The following SERINC5 variants were observed in gnomAD, a reference collection of about 807,000 sequenced individuals.
SERINC5 encodes serine incorporator 5, also known as chromosome 5 open reading frame 12.
A neutral mutation model predicts 63.1 loss-of-function variants in SERINC5; 41 were observed. That is an observed-to-expected ratio of 0.65 (90% CI 0.51 to 0.84). The LOEUF (loss-of-function observed/expected upper bound fraction) is 0.84, where lower values mean the gene tolerates loss of function less well. SERINC5 is among the 40% of genes least tolerant of loss of function. SERINC5 has a pLI of 0.00. For synonymous variants in SERINC5, 222 were observed against 215.2 expected (o/e 1.03, Z -0.28); for missense variants, 523 against 573.0 (o/e 0.91, Z 0.89).
chr5:80,185,526 G>GACC (rs1331553405), intron 2 of SERINC5, among the ~76,000 whole-genome samples: 1 of 17,744 alleles, frequency 5.6e-5, no homozygotes, highest in Non-Finnish European at 9.9e-5. Context: ...CGTGTGAAGG[G>GACC]ACCACCAAAC....
chr5:80,143,497 G>C lies in SERINC5; in HGVS notation c.*166C>G, dbSNP rs1745631807. The stretch of plus-strand genomic sequence containing the variant: ...TGGGACAAACTGGTAGTTTCTTTTT[G>C]AATTTCAAAAGTAAAAAGCTAATCA... On this transcript the variant is annotated 3_prime_UTR_variant, in exon 12 of 12. Coordinates refer to ENST00000507668, the MANE Select transcript of SERINC5 (RefSeq NM_001174072.3). The C allele has an allele frequency of 3.7e-6, 5 of 1,355,054 alleles. No homozygotes were observed. Among genetic ancestry groups the C allele is most frequent in the Non-Finnish European group, 1.9e-6 (2 of 1,056,686 alleles). 83.9% of individuals were successfully genotyped at this position (1,355,054 alleles called of 1,614,324 possible). A position where few individuals can be genotyped will look rare whatever the true frequency, so the allele number is the denominator to read the frequency against.
Position 80,142,715 on chromosome 5 carries a change from G to A in SERINC5, c.*948C>T. On this transcript the variant is annotated 3_prime_UTR_variant, in exon 12 of 12. Transcript: ENST00000507668. Reference sequence around the variant, plus strand: ...AAGGTGGAGAAAAAACTGAGGGGCTGACCTCAACAACTGAAAGAGCAGTGC... The same window carrying A: ...AAGGTGGAGAAAAAACTGAGGGGCTAACCTCAACAACTGAAAGAGCAGTGC... 1.0e-6 allele frequency: 1 copy of A among 985,438 alleles called. No individual in the cohort carries two copies. Among genetic ancestry groups the A allele is most frequent in the Non-Finnish European group, 1.2e-6 (1 of 829,936 alleles). 61.0% of individuals were successfully genotyped at this position (985,438 alleles called of 1,614,324 possible).
At chr5:80,250,966 G>T (rs1373993351) in intron 1 of SERINC5, among the ~76,000 whole-genome samples, 4 of 152,148 alleles carry the variant, frequency 2.6e-5, no homozygotes, top group African/African-American at 4.8e-5. Flanking sequence ...CTGAATAAAC[G>T]TGTTTTTACT....
rs914181140 is a variant in SERINC5 at position 80,175,882 on chromosome 5, A to G, written c.458-835T>C. On this transcript the variant is annotated intron_variant, in intron 4 of 11. Coordinates refer to ENST00000507668, the MANE Select transcript of SERINC5 (RefSeq NM_001174072.3). Reference sequence around the variant, plus strand: ...TGGTCTCAAAAAAAAAAAAAAAAAAAAAAGGACTGAGCTTGGCCGGCCGCA... The same window carrying G: ...TGGTCTCAAAAAAAAAAAAAAAAAAGAAAGGACTGAGCTTGGCCGGCCGCA... Among the ~76,000 whole-genome samples, 10 of 144,634 alleles carry G rather than the reference A, an allele frequency of 6.9e-5. 1 individual carries two copies. The highest frequency in any genetic ancestry group is 1.4e-4 in the African/African-American group (5 of 36,644). 94.9% of individuals were successfully genotyped at this position (144,634 alleles called of 152,430 possible).
intron 8 of SERINC5, among the ~76,000 whole-genome samples, 175 bp from the exon 9 acceptor site, chr5:80,151,123 C>T (rs1017181750): frequency 6.6e-6 from 1 of 152,164 alleles, no homozygotes; most frequent in African/African-American, 2.4e-5. Flanking sequence ...AATTGGCTGG[C>T]TTATTCTATA....
chr5:80,230,962 A>G (rs1751414720), intron 1 of SERINC5, among the ~76,000 whole-genome samples: 1 of 151,682 alleles, frequency 6.6e-6, no homozygotes, highest in African/African-American at 2.4e-5. Flanking sequence ...ACAGGCGCAC[A>G]CTACCAACCT....
chr5:80,177,235 A>G (rs1748092488), intron 4 of SERINC5, 80 bp downstream of exon 4: 2 of 928,338 alleles, frequency 2.2e-6, no homozygotes, highest in Non-Finnish European at 3.5e-6. Context: ...TATCAGAGGT[A>G]CTTTGGACTG....
rs186299832 is a variant in SERINC5 at position 80,148,176 on chromosome 5, C to T, written c.1054-892G>A. On this transcript the variant is annotated intron_variant, in intron 9 of 11. Coordinates refer to ENST00000507668, the MANE Select transcript of SERINC5 (RefSeq NM_001174072.3). ...CCTTTGAAGCATCTCTGGTACCTTGCGTATTTTTTATTCTTTTTTTTTTTT... is the reference window on the plus strand; with the variant it reads ...CCTTTGAAGCATCTCTGGTACCTTGTGTATTTTTTATTCTTTTTTTTTTTT... Among the ~76,000 whole-genome samples, 3 of 132,354 alleles carry T rather than the reference C, an allele frequency of 2.3e-5. No individual in the cohort carries two copies. The Admixed American group carries it at 2.3e-4, about 10-fold the overall frequency. 86.8% of individuals were successfully genotyped at this position (132,354 alleles called of 152,430 possible). A position where few individuals can be genotyped will look rare whatever the true frequency, so the allele number is the denominator to read the frequency against.
Position 80,236,633 on chromosome 5 carries a change from C to A in SERINC5, c.27+19263G>T, listed in dbSNP as rs150908683. On this transcript the variant is annotated intron_variant, in intron 1 of 11. Coordinates refer to ENST00000507668, the MANE Select transcript of SERINC5 (RefSeq NM_001174072.3). The stretch of plus-strand genomic sequence containing the variant: ...CTCCACCTCCTGGGTTCAAGCAATT[C>A]TCCTGCCTCAGTCTCCCAAGTAGCT... 6.7e-3 allele frequency among the ~76,000 whole-genome samples: 1,012 copies of A among 151,548 alleles called. 10 individuals carry two copies. Among genetic ancestry groups the A allele is most frequent in the African/African-American group, 0.021 (876 of 41,298 alleles).
intron 1 of SERINC5, among the ~76,000 whole-genome samples, chr5:80,252,649 A>G (rs1353343641): frequency 1.3e-5 from 2 of 152,240 alleles, no homozygotes; most frequent in Admixed American, 1.3e-4. Flanking sequence ...GCCACTAATA[A>G]GATTTGGGGG....
intron 9 of SERINC5, 52 bp from the exon 10 acceptor site, chr5:80,147,336 C>T: frequency 1.9e-6 from 3 of 1,575,952 alleles, no homozygotes; most frequent in Non-Finnish European, 1.7e-6. Flanking sequence ...TTCTAGTCCA[C>T]CTCAGCAAGA....
chr5:80,216,373 G>A (rs1750664139), intron 1 of SERINC5, among the ~76,000 whole-genome samples: 1 of 152,220 alleles, frequency 6.6e-6, no homozygotes, highest in Non-Finnish European at 1.5e-5. Flanking sequence ...AGTTAGGGGT[G>A]AAAAGCAAGA....
intron 12 of SERINC5, among the ~76,000 whole-genome samples, chr5:80,112,082 T>A (rs1289148927): frequency 1.3e-5 from 2 of 152,130 alleles, no homozygotes; most frequent in Non-Finnish European, 2.9e-5. Flanking sequence ...CAGCCTGAGA[T>A]ATGTCCTCAT....
Position 80,139,140 on chromosome 5 carries a change from G to C in SERINC5, c.*4523C>G. On this transcript the variant is annotated 3_prime_UTR_variant, in exon 12 of 12. Transcript: ENST00000507668. ...TTTTCAAATTCTAATGTAGCAAAACGTAACCACATAATTTGGCTACAGCTA... is the reference window on the plus strand; with the variant it reads ...TTTTCAAATTCTAATGTAGCAAAACCTAACCACATAATTTGGCTACAGCTA... The C allele has an allele frequency of 3.0e-6, 3 of 985,062 alleles. No individual in the cohort carries two copies. The highest frequency in any genetic ancestry group is 3.6e-6 in the Non-Finnish European group (3 of 829,642). 61.0% of individuals were successfully genotyped at this position (985,062 alleles called of 1,614,324 possible). A position where few individuals can be genotyped will look rare whatever the true frequency, so the allele number is the denominator to read the frequency against.
intron 1 of SERINC5, among the ~76,000 whole-genome samples, chr5:80,211,394 GGT>G (rs1205857511): frequency 1.2e-5 from 1 of 83,140 alleles, no homozygotes; most frequent in Non-Finnish European, 2.5e-5. Context: ...GCCTGAATCA[GGT>G]TAAGTTCAAT....
intron 1 of SERINC5, among the ~76,000 whole-genome samples, chr5:80,238,958 G>C (rs1751831764): frequency 6.6e-6 from 1 of 152,180 alleles, no homozygotes; most frequent in Admixed American, 6.5e-5. Flanking sequence ...TTTACCAAAG[G>C]CCAAGTGTGT....
At position 80,141,532 on chromosome 5, in the gene SERINC5, T is replaced by TCA. The variant is rs979986701; in HGVS notation, c.*2129_*2130dup. The TCA allele has an allele frequency of 2.0e-6, 2 of 985,240 alleles. No individual in the cohort carries two copies. The highest frequency in any genetic ancestry group is 3.5e-5 in the African/African-American group (2 of 57,192). The allele number at this position is 985,240 out of a possible 1,614,324, so 61.0% of individuals were successfully genotyped here. A position where few individuals can be genotyped will look rare whatever the true frequency, so the allele number is the denominator to read the frequency against. ...GACAAAGCAAGGGCTCTGCTAGACC[T>TCA]CAGCAGGAGGAAAACAATGAAACTA... On this transcript the variant is annotated 3_prime_UTR_variant, in exon 12 of 12. Coordinates refer to ENST00000507668, the MANE Select transcript of SERINC5 (RefSeq NM_001174072.3).
At chr5:80,228,436 C>T (rs939145682) in intron 1 of SERINC5, among the ~76,000 whole-genome samples, 40 of 150,312 alleles carry the variant, frequency 2.7e-4, no homozygotes, top group African/African-American at 8.7e-4. Flanking sequence ...TTCATCATTG[C>T]CTTTCTCTTT....
At chr5:80,222,153 A>C (rs577488583) in intron 1 of SERINC5, among the ~76,000 whole-genome samples, 2 of 151,980 alleles carry the variant, frequency 1.3e-5, no homozygotes, top group Non-Finnish European at 2.9e-5. Context: ...GTCTCAAATA[A>C]TAATAATAAT....
Sources: allele counts gnomAD v4.1 joint callset (sites outside exome capture counted in the v4.1 genomes callset), GRCh38; gene constraint gnomAD v4.1.1; transcripts MANE v1.5; gene names NCBI Gene and HGNC (gene_info 2026-07-23, HGNC 2026-07-21).